The following COL5A1 variants were observed in gnomAD, a reference collection of about 807,000 sequenced individuals.
The protein encoded by COL5A1 is collagen alpha-1(V) chain.
Under a neutral mutation model 263.7 loss-of-function variants are expected in COL5A1, and 16 were observed. The observed-to-expected ratio is 0.06, with a 90% CI of 0.04 to 0.09. The LOEUF (loss-of-function observed/expected upper bound fraction) is 0.09, where lower values mean the gene tolerates loss of function less well. COL5A1 is among the 10% of genes least tolerant of loss of function. The probability of loss-of-function intolerance (pLI) is 1.00; values close to 1 mark genes in which losing one functional copy is unlikely to be tolerated. For missense variants in COL5A1, 2,036 were observed against 2,540.5 expected (o/e 0.80, Z 4.27); for synonymous variants, 1,012 against 1,004.5 (o/e 1.01, Z -0.14).
At chr9:134,768,177 G>T (rs140111335) in intron 24 of COL5A1, among the ~76,000 whole-genome samples, 1 of 152,196 alleles carries the variant, frequency 6.6e-6, no homozygotes, top group Non-Finnish European at 1.5e-5. Flanking sequence ...GGCACTTGGT[G>T]GACTGATTCC....
rs1290172748 is a variant in COL5A1, at chr9:134,765,606, G to A, written c.2035-75G>A. 1.5e-5 allele frequency: 20 copies of A among 1,375,262 alleles called. No homozygotes were observed. In the East Asian group the frequency reaches 4.4e-4, roughly 30 times the overall value. 85.2% of individuals were successfully genotyped at this position (1,375,262 alleles called of 1,614,324 possible). ...GGGTTCTGGGTGGAGTCAGGGCCAA[G>A]TGGGCATAGGGGACAGAGAGGAGGG... On this transcript the variant is annotated intron_variant, in intron 20 of 65. Coordinates refer to ENST00000371817, the MANE Select transcript of COL5A1 (RefSeq NM_000093.5). The surrounding 1 kb of genome is among the most constrained non-coding windows in gnomAD (Gnocchi z 5.1).
chr9:134,752,462 A>T, intron 13 of COL5A1, 127 bp from the exon 14 acceptor site: 1 of 689,228 alleles, frequency 1.5e-6, no homozygotes, highest in East Asian at 2.8e-5. Flanking sequence ...CTCCTTTTCC[A>T]GAGTCTCCTG....
At chr9:134,719,622 C>T (rs1834383881) in intron 4 of COL5A1, among the ~76,000 whole-genome samples, 1 of 152,230 alleles carries the variant, frequency 6.6e-6, no homozygotes. Context: ...CAGCACTTCA[C>T]ACACTCATCT....
intron 11 of COL5A1, among the ~76,000 whole-genome samples, chr9:134,749,919 T>A (rs1273209139): frequency 6.6e-6 from 1 of 152,198 alleles, no homozygotes; most frequent in East Asian, 1.9e-4. Context: ...CAGTCCTAGG[T>A]ATGTCTGTGT....
At chr9:134,828,884 C>A (rs1345535286) in intron 63 of COL5A1, among the ~76,000 whole-genome samples, 3 of 151,502 alleles carry the variant, frequency 2.0e-5, no homozygotes, top group Admixed American at 6.6e-5. Context: ...CACACACAGA[C>A]CACACATTAT....
chr9:134,809,123 G>T, intron 42 of COL5A1, 60 bp from the exon 43 acceptor site: 2 of 1,372,542 alleles, frequency 1.5e-6, no homozygotes, highest in South Asian at 2.5e-5. Flanking sequence ...GTAATGAGCT[G>T]GTGGGGGGAT....
chr9:134,819,586 G>A (rs1838908735), intron 57 of COL5A1, among the ~76,000 whole-genome samples: 1 of 152,216 alleles, frequency 6.6e-6, no homozygotes, highest in African/African-American at 2.4e-5. Flanking sequence ...ACTGCCCCCA[G>A]CCCCAAGGCA....
chr9:134,685,126 C>CCGTT (rs1291218974), intron 1 of COL5A1, among the ~76,000 whole-genome samples: 1 of 28,974 alleles, frequency 3.5e-5, no homozygotes, highest in African/African-American at 1.6e-4. Context: ...ATCCATCCAT[C>CCGTT]CATCCATCCA....
intron 25 of COL5A1, among the ~76,000 whole-genome samples, chr9:134,771,500 C>T (rs1291960711): frequency 1.3e-5 from 2 of 152,226 alleles, no homozygotes; most frequent in Admixed American, 6.5e-5. Context: ...TTGCGCCCTC[C>T]CACTCACTTG....
At chr9:134,702,133 G>A (rs1216810590) in intron 4 of COL5A1, among the ~76,000 whole-genome samples, 3 of 152,212 alleles carry the variant, frequency 2.0e-5, no homozygotes, top group Non-Finnish European at 4.4e-5. Context: ...CTTCCCAAGG[G>A]CACTGCAGTG....
chr9:134,643,186 G>C (rs1831360121), intron 1 of COL5A1, among the ~76,000 whole-genome samples: 1 of 152,142 alleles, frequency 6.6e-6, no homozygotes, highest in South Asian at 2.1e-4. Context: ...TTCCTGACGG[G>C]GGAGTTTTTC....
At chr9:134,774,144 CTT>C (rs1275232318) in intron 26 of COL5A1, among the ~76,000 whole-genome samples, 1 of 152,260 alleles carries the variant, frequency 6.6e-6, no homozygotes, top group Non-Finnish European at 1.5e-5. Context: ...CTCCCTGGGA[CTT>C]CCTGAGTTCC....
chr9:134,839,185 CAG>C (rs1318030455), intron 65 of COL5A1, among the ~76,000 whole-genome samples: 1 of 152,214 alleles, frequency 6.6e-6, no homozygotes, highest in Non-Finnish European at 1.5e-5. Context: ...TGAGCGGGCC[CAG>C]TGGAGAGGCA....
At chr9:134,787,705 G>A (rs1837513591) in intron 31 of COL5A1, among the ~76,000 whole-genome samples, 1 of 152,206 alleles carries the variant, frequency 6.6e-6, no homozygotes, top group East Asian at 1.9e-4. Context: ...TCTGCAAGCT[G>A]CTGTGCTTTA....
At chr9:134,732,702 A>G (rs1448742963) in intron 9 of COL5A1, 1 of 188,738 alleles carries the variant, frequency 5.3e-6, no homozygotes, top group African/African-American at 2.3e-5. Flanking sequence ...TATGTTAGGT[A>G]ATGAGATCAC....
At chr9:134,690,739 G>A (rs138551622) in intron 1 of COL5A1, among the ~76,000 whole-genome samples, 173 bp from the exon 2 acceptor site, 256 of 152,300 alleles carry the variant, frequency 1.7e-3, no homozygotes, top group African/African-American at 5.8e-3. Context: ...CCTCCGCAGC[G>A]TGGTGCCCTG....
intron 1 of COL5A1, among the ~76,000 whole-genome samples, chr9:134,660,632 T>C (rs1046917958): frequency 3.9e-5 from 6 of 152,204 alleles, no homozygotes; most frequent in Admixed American, 1.3e-4. Context: ...CCAGCTCTAC[T>C]AGACATTGTG....
rs1837566347 is a variant in COL5A1 at position 134,788,834 on chromosome 9, A to G, written c.2647-321A>G. 2.3e-5 allele frequency among the ~76,000 whole-genome samples: 3 copies of G among 132,478 alleles called. No individual in the cohort carries two copies. In the South Asian group the frequency reaches 7.8e-4, roughly 35 times the overall value. The allele number at this position is 132,478 out of a possible 152,430, so 86.9% of individuals were successfully genotyped here. ...TGAATGGAGGCATGGGAGGATAGGT[A>G]GACAGGCAGATGGATGAGTGGGAGG... On this transcript the variant is annotated intron_variant, in intron 31 of 65. Transcript: ENST00000371817.
In COL5A1 at chr9:134,820,296, G is replaced by A. The variant is rs193203114; in HGVS notation, c.4554+73G>A. 9.1e-6 allele frequency: 11 copies of A among 1,206,672 alleles called. No individual in the cohort carries two copies. The East Asian group carries it at 1.7e-4, about 18-fold the overall frequency. 74.7% of individuals were successfully genotyped at this position (1,206,672 alleles called of 1,614,324 possible). ...AGATCCCTGGGGCAGGCACCCAGGG[G>A]ACAGGAGGCCCATCAGAGCCCGGAA... On this transcript the variant is annotated intron_variant, in intron 58 of 65. Coordinates refer to ENST00000371817, the MANE Select transcript of COL5A1 (RefSeq NM_000093.5).
Sources: gnomAD v4.1 joint callset for allele counts (sites outside exome capture counted in the v4.1 genomes callset) on GRCh38, gnomAD v4.1.1 for gene constraint, Gnocchi (gnomAD v3.1) non-coding constraint, MANE v1.5 for transcripts, NCBI Gene and HGNC (gene_info 2026-07-23, HGNC 2026-07-21) for gene names.